ATE1: variants seen among roughly 807,000 people sequenced by gnomAD.
ATE1 encodes the protein arginyl-tRNA--protein transferase 1.
ATE1 carries 36 observed loss-of-function variants against 70.5 expected under a neutral mutation model. The ratio of observed to expected loss-of-function variants is 0.51; its 90% confidence interval spans 0.39 to 0.67. ATE1 has a LOEUF of 0.67. ATE1 is among the 30% of genes least tolerant of loss of function. ATE1 has a pLI of 0.00. For missense variants in ATE1, 593 were observed against 629.5 expected (o/e 0.94, Z 0.62); for synonymous variants, 232 against 219.3 (o/e 1.06, Z -0.51).
chr10:121,873,386 G>A (rs2134045747), intron 7 of ATE1, among the ~76,000 whole-genome samples: 1 of 152,186 alleles, frequency 6.6e-6, no homozygotes, highest in South Asian at 2.1e-4. Context: ...GCTTCTTACT[G>A]ACCTTGCTTT....
rs1434503755 is a variant in ATE1 at position 121,756,308 on chromosome 10, C to T, written c.1379-12450G>A. ...CTGTGGCTTTTCAGGGTATAGCCTC[C>T]CTCCTTGCTGCTTTCACAGGCTAGC... On this transcript the variant is annotated intron_variant, in intron 11 of 11. Coordinates refer to ENST00000224652, the MANE Select transcript of ATE1 (RefSeq NM_001001976.3). Among the ~76,000 whole-genome samples, 4 of 152,304 alleles carry T rather than the reference C, an allele frequency of 2.6e-5. No homozygotes were observed. In the East Asian group the frequency reaches 7.7e-4, roughly 29 times the overall value.
intron 10 of ATE1, among the ~76,000 whole-genome samples, chr10:121,793,930 A>G (rs1946553572): frequency 6.6e-6 from 1 of 152,194 alleles, no homozygotes; most frequent in Admixed American, 6.5e-5. Context: ...TTTTTCTAGT[A>G]CTTTCATGGT....
In ATE1 at chr10:121,838,159, C is replaced by A. The variant is rs569008476; in HGVS notation, c.1158-1342G>T. The stretch of plus-strand genomic sequence containing the variant: ...GCAGCCTCCTGTTTCCACTCTTACC[C>A]CTCCATAATCTCCACAGAACAGGCC... On this transcript the variant is annotated intron_variant, in intron 9 of 11. Transcript: ENST00000224652. Among the ~76,000 whole-genome samples, 4 of 152,214 alleles carry A rather than the reference C, an allele frequency of 2.6e-5. No homozygotes were observed. The South Asian group carries it at 8.3e-4, about 32-fold the overall frequency.
At chr10:121,878,366 G>A (rs569221171) in intron 7 of ATE1, among the ~76,000 whole-genome samples, 6 of 152,258 alleles carry the variant, frequency 3.9e-5, no homozygotes, top group African/African-American at 1.4e-4. Flanking sequence ...GCTGAGGCGG[G>A]TAGACTGCTT....
At chr10:121,814,285 G>A (rs1323827157) in intron 10 of ATE1, among the ~76,000 whole-genome samples, 1 of 152,196 alleles carries the variant, frequency 6.6e-6, no homozygotes, top group Non-Finnish European at 1.5e-5. Context: ...GACAGGAAGG[G>A]ATCAGGAAGA....
At chr10:121,811,840 T>C (rs1162332352) in intron 10 of ATE1, among the ~76,000 whole-genome samples, 3 of 152,122 alleles carry the variant, frequency 2.0e-5, no homozygotes, top group African/African-American at 4.8e-5. Context: ...ACTCTCATAG[T>C]GTTTTCCTTG....
At chr10:121,865,245 C>T (rs992553806) in intron 8 of ATE1, among the ~76,000 whole-genome samples, 2 of 152,100 alleles carry the variant, frequency 1.3e-5, no homozygotes, top group Non-Finnish European at 2.9e-5. Flanking sequence ...TACCTGTACA[C>T]CAGAGGTGCT....
rs1564799350 is a variant in ATE1 at position 121,742,539 on chromosome 10, G to A, written c.*1141C>T. 6.6e-6 allele frequency: 1 copy of A among 152,182 alleles called. No homozygotes were observed. The highest frequency in any genetic ancestry group is 1.5e-5 in the Non-Finnish European group (1 of 68,048). The allele number at this position is 152,182 out of a possible 1,614,324, so 9.4% of individuals were successfully genotyped here. A position where few individuals can be genotyped will look rare whatever the true frequency, so the allele number is the denominator to read the frequency against. ...CAGACAGCTCGACTATAGCTAAGAA[G>A]GGACATGTCTGACTGTCCTCCTGTA... On this transcript the variant is annotated 3_prime_UTR_variant, in exon 12 of 12. Transcript: ENST00000224652.
intron 10 of ATE1, among the ~76,000 whole-genome samples, chr10:121,797,155 C>T (rs113282477): frequency 1.6e-4 from 25 of 152,238 alleles, no homozygotes; most frequent in African/African-American, 4.6e-4. Flanking sequence ...TTAAAGTCGA[C>T]GAACGTCTTT....
intron 11 of ATE1, among the ~76,000 whole-genome samples, chr10:121,780,713 C>T (rs1349965783): frequency 6.6e-6 from 1 of 152,192 alleles, no homozygotes; most frequent in African/African-American, 2.4e-5. Context: ...ATATGTTGTT[C>T]TCTACCTGGA....
At chr10:121,818,724 C>T (rs1209503403) in intron 10 of ATE1, among the ~76,000 whole-genome samples, 1 of 152,222 alleles carries the variant, frequency 6.6e-6, no homozygotes, top group Non-Finnish European at 1.5e-5. Context: ...TTAAGATCTA[C>T]TTACAGAATT....
At chr10:121,747,417 G>A (rs1372132805) in intron 11 of ATE1, among the ~76,000 whole-genome samples, 1 of 152,150 alleles carries the variant, frequency 6.6e-6, no homozygotes, top group Non-Finnish European at 1.5e-5. Flanking sequence ...CTGGAGCTGG[G>A]GGGATAAAGA....
At chr10:121,865,678 T>G (rs939046693) in intron 8 of ATE1, among the ~76,000 whole-genome samples, 7 of 152,180 alleles carry the variant, frequency 4.6e-5, no homozygotes, top group Non-Finnish European at 8.8e-5. Flanking sequence ...GGAAATATGT[T>G]GCCTGACTTG....
At chr10:121,923,029 G>A (rs1246891691) in intron 2 of ATE1, among the ~76,000 whole-genome samples, 3 of 151,862 alleles carry the variant, frequency 2.0e-5, no homozygotes, top group Admixed American at 6.6e-5. Context: ...CCTCATCATC[G>A]CACATCTGGA....
At chr10:121,828,919 A>G (rs374313487) in intron 10 of ATE1, among the ~76,000 whole-genome samples, 1 of 152,246 alleles carries the variant, frequency 6.6e-6, no homozygotes, top group East Asian at 1.9e-4. Flanking sequence ...AGAAACTTAC[A>G]TGTACAAATC....
chr10:121,904,546 CAGG>C (rs1404903703), intron 5 of ATE1, among the ~76,000 whole-genome samples: 2 of 146,506 alleles, frequency 1.4e-5, no homozygotes, highest in African/African-American at 2.5e-5. Context: ...GAGGCTGAGG[CAGG>C]AGAATTGCTT....
At chr10:121,860,225 T>G (rs950150374) in intron 8 of ATE1, among the ~76,000 whole-genome samples, 24 of 152,156 alleles carry the variant, frequency 1.6e-4, no homozygotes, top group African/African-American at 5.8e-4. Flanking sequence ...AAAGGAAGGG[T>G]CAGGGTGACT....
At chr10:121,781,356 T>A (rs1358136857) in intron 11 of ATE1, among the ~76,000 whole-genome samples, 1 of 152,156 alleles carries the variant, frequency 6.6e-6, no homozygotes, top group East Asian at 1.9e-4. Context: ...AGGAGCCTGC[T>A]CTGTATTTGT....
chr10:121,765,937 A>G (rs2135829053), intron 11 of ATE1, among the ~76,000 whole-genome samples: 1 of 152,338 alleles, frequency 6.6e-6, no homozygotes, highest in South Asian at 2.1e-4. Context: ...ACAGATATTG[A>G]TGGTCCCTTA....
Sources: allele counts gnomAD v4.1 joint callset (sites outside exome capture counted in the v4.1 genomes callset), GRCh38; gene constraint gnomAD v4.1.1; transcripts MANE v1.5; gene names NCBI Gene and HGNC (gene_info 2026-07-23, HGNC 2026-07-21).